Variants in RXFP2 observed in about 807,000 individuals in gnomAD.
RXFP2 encodes the protein relaxin receptor 2.
Under a neutral mutation model 88.6 loss-of-function variants are expected in RXFP2, and 68 were observed. That is an observed-to-expected ratio of 0.77 (90% CI 0.63 to 0.94). The LOEUF is 0.94. Among genes scored for constraint, RXFP2 ranks in the 40% least tolerant of loss-of-function variants. The pLI is 0.00. For synonymous variants in RXFP2, 329 were observed against 306.8 expected (o/e 1.07, Z -0.76); for missense variants, 791 against 893.9 (o/e 0.88, Z 1.47).
intron 8 of RXFP2, among the ~76,000 whole-genome samples, 172 bp from the exon 9 acceptor site, chr13:31,778,340 C>T (rs552993408): frequency 2.0e-5 from 3 of 152,220 alleles, no homozygotes; most frequent in Admixed American, 6.5e-5. Context: ...AACATCTGCT[C>T]CCTAATCTTT....
intron 7 of RXFP2, among the ~76,000 whole-genome samples, chr13:31,776,102 TTTTCTTTCTTTC>T (rs71099993): frequency 1.6e-4 from 18 of 109,908 alleles, no homozygotes; most frequent in Admixed American, 3.9e-4. Flanking sequence ...CTTTCTTTTC[TTTTCTTTCTTTC>T]TTTCTTTCTT....
intron 8 of RXFP2, among the ~76,000 whole-genome samples, chr13:31,778,305 C>G (rs930303936): frequency 6.6e-6 from 1 of 152,132 alleles, no homozygotes; most frequent in Non-Finnish European, 1.5e-5. Flanking sequence ...ATGTATCATA[C>G]TTATGCATTC....
intron 3 of RXFP2, 71 bp downstream of exon 3, chr13:31,761,872 G>A: frequency 9.7e-7 from 1 of 1,026,846 alleles, no homozygotes; most frequent in East Asian, 2.4e-5. Flanking sequence ...AGATTTATAT[G>A]GGTAATGTGA....
At chr13:31,768,755 A>G (rs1296862323) in intron 5 of RXFP2, among the ~76,000 whole-genome samples, 1 of 152,152 alleles carries the variant, frequency 6.6e-6, no homozygotes, top group African/African-American at 2.4e-5. Context: ...TTTCCTCACC[A>G]TCCCCTTTAC....
At chr13:31,796,602 T>G (rs1215310597) in intron 16 of RXFP2, among the ~76,000 whole-genome samples, 1 of 152,222 alleles carries the variant, frequency 6.6e-6, no homozygotes, top group Non-Finnish European at 1.5e-5. Flanking sequence ...TGCCTAGATC[T>G]GAATTTTAGA....
intron 16 of RXFP2, among the ~76,000 whole-genome samples, chr13:31,796,135 C>T (rs1483505246): frequency 4.2e-5 from 6 of 143,668 alleles, no homozygotes; most frequent in Non-Finnish European, 7.5e-5. Context: ...CTGCAAGCTC[C>T]GCTTCCCGGG....
At chr13:31,778,693 CA>C in intron 9 of RXFP2, 110 bp downstream of exon 9, 1 of 860,738 alleles carries the variant, frequency 1.2e-6, no homozygotes, top group Non-Finnish European at 2.0e-6. Flanking sequence ...TTTCCAAAAT[CA>C]AAATCTGATC....
chr13:31,789,264 A>T lies in RXFP2; in HGVS notation c.1145+71A>T, dbSNP rs574225846. ...CAAATTATCTCCTGTAAACTGTCTA[A>T]TGTATCACTGCAATGTGTTTCTATG... On this transcript the variant is annotated intron_variant, in intron 14 of 17. Transcript: ENST00000298386. 17 of 951,488 alleles carry T rather than the reference A, an allele frequency of 1.8e-5. No homozygotes were observed. The East Asian group carries it at 4.1e-4, about 23-fold the overall frequency. The allele number at this position is 951,488 out of a possible 1,614,324, so 58.9% of individuals were successfully genotyped here. A position where few individuals can be genotyped will look rare whatever the true frequency, so the allele number is the denominator to read the frequency against.
At chr13:31,761,980 C>T (rs1004150089) in intron 3 of RXFP2, among the ~76,000 whole-genome samples, 179 bp downstream of exon 3, 1 of 152,184 alleles carries the variant, frequency 6.6e-6, no homozygotes, top group African/African-American at 2.4e-5. Flanking sequence ...AAGAAAACGA[C>T]CATCTCCATT....
At chr13:31,786,693 C>CA in intron 13 of RXFP2, 56 bp downstream of exon 13, 1 of 1,115,906 alleles carries the variant, frequency 9.0e-7, no homozygotes, top group Non-Finnish European at 1.4e-6. Flanking sequence ...TACTTAGAGA[C>CA]ACATTTATTT....
Position 31,739,595 on chromosome 13 carries a change from C to G in RXFP2, c.-18C>G. On this transcript the variant is annotated 5_prime_UTR_variant, in exon 1 of 18. Coordinates refer to ENST00000298386, the MANE Select transcript of RXFP2 (RefSeq NM_130806.5). ...AGGTATAAGAGGATACGTCTAATAA[C>G]TCAATTGCTGTAAACCTATGATTGT... The G allele has an allele frequency of 1.3e-6, 2 of 1,510,562 alleles. No homozygotes were observed. The highest frequency in any genetic ancestry group is 1.8e-6 in the Non-Finnish European group (2 of 1,085,838). The allele number at this position is 1,510,562 out of a possible 1,614,324, so 93.6% of individuals were successfully genotyped here. A position where few individuals can be genotyped will look rare whatever the true frequency, so the allele number is the denominator to read the frequency against.
chr13:31,786,475 T>C (rs201411264), intron 12 of RXFP2, 21 bp downstream of exon 12: 2 of 1,578,810 alleles, frequency 1.3e-6, no homozygotes, highest in East Asian at 4.5e-5. Flanking sequence ...CTTCTCACCA[T>C]AATCAGATTT....
intron 17 of RXFP2, among the ~76,000 whole-genome samples, chr13:31,799,770 A>C (rs1433886371): frequency 6.6e-6 from 1 of 152,144 alleles, no homozygotes; most frequent in African/African-American, 2.4e-5. Context: ...TAGGACTGCT[A>C]TAACAAAGGA....
In RXFP2 at chr13:31,764,964, T is replaced by G. The variant is rs1349791170; in HGVS notation, c.320-73T>G. On this transcript the variant is annotated intron_variant, in intron 3 of 17. Transcript: ENST00000298386. ...TACATTCGATGAAAAGAAAACAATATCAGTTATTAAAGGCAAAGTCATAAT... is the reference window on the plus strand; with the variant it reads ...TACATTCGATGAAAAGAAAACAATAGCAGTTATTAAAGGCAAAGTCATAAT... 10 of 811,050 alleles carry G rather than the reference T, an allele frequency of 1.2e-5. No individual in the cohort carries two copies. In the Admixed American group the frequency reaches 1.7e-4, roughly 14 times the overall value. 50.2% of individuals were successfully genotyped at this position (811,050 alleles called of 1,614,324 possible). A position where few individuals can be genotyped will look rare whatever the true frequency, so the allele number is the denominator to read the frequency against.
chr13:31,800,514 G>A (rs1213117694), intron 17 of RXFP2, among the ~76,000 whole-genome samples: 2 of 152,246 alleles, frequency 1.3e-5, no homozygotes, highest in African/African-American at 4.8e-5. Flanking sequence ...AGAGCTTGCA[G>A]TGAGCCGAGA....
In RXFP2 at chr13:31,739,671, T is replaced by G; in HGVS notation, c.59T>G (p.Phe20Cys). ...LFSLRLITMF[F>C]LLHFIVLINV... ...AGCCTCAGATTGATTACAATGTTCT[T>G]TCTACTTCATTTCATCGTTCTGATC... is the stretch of plus-strand genomic sequence containing the variant. Residue 20 changes from phenylalanine to cysteine, a missense_variant, in exon 1 of 18, where the codon TTT becomes TGT. Phe to Cys is a radical substitution (Grantham distance 205). Transcript: ENST00000298386. 6.2e-7 allele frequency: 1 copy of G among 1,609,814 alleles called. No individual in the cohort carries two copies.
chr13:31,766,079 T>C, intron 5 of RXFP2, 52 bp downstream of exon 5: 1 of 896,882 alleles, frequency 1.1e-6, no homozygotes, highest in Non-Finnish European at 1.9e-6. Context: ...CGTGGTGGTG[T>C]AAGATGTTTT....
intron 16 of RXFP2, among the ~76,000 whole-genome samples, chr13:31,794,976 AT>A (rs978013057): frequency 2.0e-5 from 3 of 152,002 alleles, no homozygotes; most frequent in Non-Finnish European, 2.9e-5. Context: ...CTAAAGTACA[AT>A]TTTTTTTCTG....
intron 1 of RXFP2, among the ~76,000 whole-genome samples, chr13:31,757,020 A>T (rs980630556): frequency 4.6e-5 from 7 of 152,230 alleles, no homozygotes; most frequent in African/African-American, 1.7e-4. Flanking sequence ...TTGAAAGAAT[A>T]TCTCTTACAT....
Sources: gnomAD v4.1 joint callset for allele counts (sites outside exome capture counted in the v4.1 genomes callset) on GRCh38, gnomAD v4.1.1 for gene constraint, MANE v1.5 for transcripts, NCBI Gene and HGNC (gene_info 2026-07-23, HGNC 2026-07-21) for gene names.